Variants in COL9A1 observed in about 807,000 individuals in gnomAD.
COL9A1 encodes the protein collagen alpha-1(IX) chain.
COL9A1 carries 104 observed loss-of-function variants against 142.6 expected under a neutral mutation model. The ratio of observed to expected loss-of-function variants is 0.73; its 90% CI spans 0.62 to 0.86. The LOEUF (loss-of-function observed/expected upper bound fraction) is 0.86. COL9A1 is among the 40% of genes least tolerant of loss of function. The pLI, the probability that COL9A1 is intolerant of heterozygous loss-of-function variation, is 0.00. For synonymous variants in COL9A1, 466 were observed against 396.0 expected (o/e 1.18, Z -2.10); for missense variants, 1,210 against 1,176.6 (o/e 1.03, Z -0.42).
intron 28 of COL9A1, among the ~76,000 whole-genome samples, chr6:70,246,711 G>A (rs1050506061): frequency 6.6e-6 from 1 of 152,118 alleles, no homozygotes; most frequent in Non-Finnish European, 1.5e-5. Context: ...TGCTAGATAC[G>A]TCTTGTAACA....
In COL9A1 at chr6:70,274,184, TG is replaced by T. The variant is rs918525878; in HGVS notation, c.1030-103del. The T allele has an allele frequency of 1.3e-5, 12 of 904,092 alleles. No individual in the cohort carries two copies. In the African/African-American group the frequency reaches 1.8e-4, roughly 14 times the overall value. The allele number at this position is 904,092 out of a possible 1,614,324, so 56.0% of individuals were successfully genotyped here. A position where few individuals can be genotyped will look rare whatever the true frequency, so the allele number is the denominator to read the frequency against. On this transcript the variant is annotated intron_variant, in intron 11 of 37. Coordinates refer to ENST00000357250, the MANE Select transcript of COL9A1 (RefSeq NM_001851.6). Reference sequence around the variant, plus strand: ...AAAGCATTAAAACACCCCATTATGGTGTTTTTTTTTTTTAAATTTCCAACTT... The same window carrying T: ...AAAGCATTAAAACACCCCATTATGGTTTTTTTTTTTTTAAATTTCCAACTT...
intron 10 of COL9A1, chr6:70,279,648 CAAAAA>C (rs57993118): frequency 0.098 from 5,735 of 58,284 alleles, 172 homozygotes; most frequent in Non-Finnish European, 0.14. Flanking sequence ...AACTTCGTCT[CAAAAA>C]AAAAAAAAAA....
intron 6 of COL9A1, chr6:70,283,338 G>C (rs1374410162): frequency 9.4e-7 from 1 of 1,065,306 alleles, no homozygotes; most frequent in Non-Finnish European, 1.3e-6. Flanking sequence ...GGCGAGGACT[G>C]AGCACGCAGC....
intron 28 of COL9A1, chr6:70,245,842 C>G (rs1770567973): frequency 6.6e-6 from 1 of 152,256 alleles, no homozygotes; most frequent in African/African-American, 2.4e-5. Flanking sequence ...GTACTCCCAG[C>G]TACTCAGGAG....
chr6:70,270,787 G>A (rs1373237282), intron 14 of COL9A1, among the ~76,000 whole-genome samples: 1 of 152,224 alleles, frequency 6.6e-6, no homozygotes, highest in African/African-American at 2.4e-5. Flanking sequence ...GGAATGGAAG[G>A]TTAATCTCTG....
intron 10 of COL9A1, among the ~76,000 whole-genome samples, chr6:70,278,272 C>T (rs1772897845): frequency 6.6e-6 from 1 of 152,134 alleles, no homozygotes; most frequent in Non-Finnish European, 1.5e-5. Flanking sequence ...CTATTAAGAT[C>T]GTCACTTGTA....
intron 12 of COL9A1, among the ~76,000 whole-genome samples, chr6:70,272,731 C>T (rs1219282342): frequency 6.6e-6 from 1 of 152,088 alleles, no homozygotes; most frequent in Non-Finnish European, 1.5e-5. Context: ...ATTTATATCT[C>T]GTTAGCAACA....
At chr6:70,245,040 T>G (rs1413487127) in intron 28 of COL9A1, among the ~76,000 whole-genome samples, 1 of 152,240 alleles carries the variant, frequency 6.6e-6, no homozygotes, top group East Asian at 1.9e-4. Context: ...TTCCTCATTT[T>G]TATTTCACTT....
chr6:70,254,823 T>C, intron 24 of COL9A1, 140 bp downstream of exon 24: 1 of 828,626 alleles, frequency 1.2e-6, no homozygotes, highest in Non-Finnish European at 2.0e-6. Flanking sequence ...TATTTGACAC[T>C]TGATTCAAAA....
intron 11 of COL9A1, 49 bp downstream of exon 11, chr6:70,274,670 A>G (rs184961847): frequency 1.4e-6 from 2 of 1,453,690 alleles, no homozygotes; most frequent in Non-Finnish European, 1.9e-6. Flanking sequence ...CAATAAAATT[A>G]TACTTCAGCA....
intron 15 of COL9A1, among the ~76,000 whole-genome samples, 156 bp from the exon 16 acceptor site, chr6:70,269,821 A>C (rs888013364): frequency 1.3e-5 from 2 of 152,186 alleles, no homozygotes; most frequent in African/African-American, 4.8e-5. Context: ...ATCCTGACTC[A>C]TGGGCATGTT....
intron 36 of COL9A1, among the ~76,000 whole-genome samples, chr6:70,228,105 T>C (rs1357969507): frequency 2.6e-5 from 4 of 152,130 alleles, no homozygotes; most frequent in Non-Finnish European, 5.9e-5. Flanking sequence ...ATAAATTTAG[T>C]ATTATGAAAT....
chr6:70,295,529 C>G (rs1773821757), intron 4 of COL9A1, among the ~76,000 whole-genome samples: 1 of 151,880 alleles, frequency 6.6e-6, no homozygotes, highest in Non-Finnish European at 1.5e-5. Flanking sequence ...CTCAGGTGAT[C>G]CTCCTGCCTC....
chr6:70,286,725 G>C (rs150659634), intron 5 of COL9A1, among the ~76,000 whole-genome samples: 4 of 152,164 alleles, frequency 2.6e-5, no homozygotes, highest in African/African-American at 9.7e-5. Context: ...GCTCTGAGCT[G>C]CCTCAAAATT....
chr6:70,257,048 A>ATTTTTT (rs542296705), intron 20 of COL9A1, among the ~76,000 whole-genome samples: 3 of 105,018 alleles, frequency 2.9e-5, no homozygotes, highest in Non-Finnish European at 5.6e-5. Context: ...CCACTCTGTA[A>ATTTTTT]TTTTTTTTTT....
chr6:70,253,541 C>A lies in COL9A1; in HGVS notation c.1720-112G>T. ...TGAGGGAATCATGATAACCTCAAAGCTTTAATGTAAGGAAGATGCTTCCTA... is the reference window on the plus strand; with the variant it reads ...TGAGGGAATCATGATAACCTCAAAGATTTAATGTAAGGAAGATGCTTCCTA... On this transcript the variant is annotated intron_variant, in intron 25 of 37. Coordinates refer to ENST00000357250, the MANE Select transcript of COL9A1 (RefSeq NM_001851.6). The A allele has an allele frequency of 3.9e-6, 3 of 778,534 alleles. No individual in the cohort carries two copies. The South Asian group carries it at 4.7e-5, about 12-fold the overall frequency. 48.2% of individuals were successfully genotyped at this position (778,534 alleles called of 1,614,324 possible).
intron 1 of COL9A1, among the ~76,000 whole-genome samples, chr6:70,302,443 C>T (rs1017212331): frequency 1.3e-4 from 20 of 151,880 alleles, no homozygotes; most frequent in African/African-American, 4.6e-4. Flanking sequence ...CTCCTGACCT[C>T]GTGATTCGCC....
intron 33 of COL9A1, among the ~76,000 whole-genome samples, chr6:70,236,980 C>A (rs1196382504): frequency 2.0e-5 from 3 of 152,158 alleles, no homozygotes; most frequent in Non-Finnish European, 2.9e-5. Flanking sequence ...CGCCATGACA[C>A]CTGGCTAACT....
intron 37 of COL9A1, among the ~76,000 whole-genome samples, chr6:70,220,207 G>GT (rs59262394): frequency 0.34 from 52,137 of 151,646 alleles, 9,107 homozygotes; most frequent in East Asian, 0.44. Context: ...TCTTTTCCAT[G>GT]GGCATACACT....
Sources: gnomAD v4.1 joint callset for allele counts (sites outside exome capture counted in the v4.1 genomes callset) on GRCh38, gnomAD v4.1.1 for gene constraint, MANE v1.5 for transcripts, NCBI Gene and HGNC (gene_info 2026-07-23, HGNC 2026-07-21) for gene names.